The following ELOVL4 variants were observed in gnomAD, a reference collection of about 807,000 sequenced individuals.
ELOVL4 encodes very long chain fatty acid elongase 4.
Under a neutral mutation model 42.1 loss-of-function variants are expected in ELOVL4, and 18 were observed. That is an observed-to-expected ratio of 0.43 (90% CI 0.30 to 0.63). ELOVL4 has a LOEUF of 0.63. ELOVL4 is among the 30% of genes least tolerant of loss of function. ELOVL4 has a pLI of 0.15. For missense variants in ELOVL4, 299 were observed against 376.2 expected (o/e 0.79, Z 1.70); for synonymous variants, 117 against 127.0 (o/e 0.92, Z 0.53).
chr6:79,940,483 C>T (rs1181957967), intron 1 of ELOVL4, among the ~76,000 whole-genome samples: 1 of 152,130 alleles, frequency 6.6e-6, no homozygotes, highest in African/African-American at 2.4e-5. Context: ...AAATCTTAAG[C>T]CATACTTCCA....
chr6:79,928,694 C>G (rs1365740658), intron 1 of ELOVL4, among the ~76,000 whole-genome samples: 1 of 138,420 alleles, frequency 7.2e-6, no homozygotes, highest in Non-Finnish European at 1.5e-5. Flanking sequence ...AGAAAGCACA[C>G]AAGACCCTAC....
intron 1 of ELOVL4, among the ~76,000 whole-genome samples, chr6:79,942,820 A>C (rs1202620319): frequency 1.3e-5 from 2 of 152,228 alleles, no homozygotes; most frequent in Admixed American, 1.3e-4. Flanking sequence ...ATTAAAGTCT[A>C]GCAGTCTACC....
intron 3 of ELOVL4, among the ~76,000 whole-genome samples, chr6:79,924,140 A>G (rs1032666702): frequency 7.2e-5 from 11 of 152,220 alleles, no homozygotes; most frequent in African/African-American, 2.7e-4. Flanking sequence ...AAGTGAATGG[A>G]AAATAAAATA....
At position 79,926,388 on chromosome 6, in the gene ELOVL4, A is replaced by G; in HGVS notation, c.101-7T>C. 1.9e-6 allele frequency: 3 copies of G among 1,612,638 alleles called. No individual in the cohort carries two copies. Among genetic ancestry groups the G allele is most frequent in the Non-Finnish European group, 2.5e-6 (3 of 1,178,936 alleles). ...CAATTTTCCACACGCTTATCTATAG[A>G]GAGAACAAAATACCATAAAATTCAT... On this transcript the variant is annotated splice_region_variant and splice_polypyrimidine_tract_variant and intron_variant, in intron 1 of 5. Transcript: ENST00000369816.
At chr6:79,921,939 G>A (rs1191137150) in intron 3 of ELOVL4, 143 bp from the exon 4 acceptor site, 2 of 786,182 alleles carry the variant, frequency 2.5e-6, no homozygotes, top group Admixed American at 2.3e-5. Context: ...AAGTAGGTTT[G>A]AAAAACCTAA....
intron 1 of ELOVL4, among the ~76,000 whole-genome samples, chr6:79,935,126 T>C (rs1774521952): frequency 6.6e-6 from 1 of 152,164 alleles, no homozygotes; most frequent in African/African-American, 2.4e-5. Context: ...ATGCCTGTAA[T>C]CTAATAGTTT....
In ELOVL4 at chr6:79,944,987, C is replaced by CAA. The variant is rs200726708; in HGVS notation, c.100+2191_100+2192dup. 5.0e-3 allele frequency among the ~76,000 whole-genome samples: 466 copies of CAA among 92,892 alleles called. 5 individuals are homozygous for CAA. The highest frequency in any genetic ancestry group is 0.014 in the African/African-American group (408 of 28,890). 60.9% of individuals were successfully genotyped at this position (92,892 alleles called of 152,430 possible). ...GGAATCAGAGCAGAGTGAATGAGTCCAAAAAAAAAAAAAAAAAAAAAAAAG... is the reference window on the plus strand; with the variant it reads ...GGAATCAGAGCAGAGTGAATGAGTCCAAAAAAAAAAAAAAAAAAAAAAAAAAG... On this transcript the variant is annotated intron_variant, in intron 1 of 5. Transcript: ENST00000369816.
intron 1 of ELOVL4, among the ~76,000 whole-genome samples, chr6:79,938,305 T>C (rs866720711): frequency 2.0e-5 from 3 of 152,316 alleles, no homozygotes; most frequent in Non-Finnish European, 4.4e-5. Flanking sequence ...AACTCAAAGC[T>C]TTAAGAAAAT....
intron 1 of ELOVL4, among the ~76,000 whole-genome samples, chr6:79,928,920 A>G (rs1022150133): frequency 4.0e-5 from 6 of 151,862 alleles, no homozygotes; most frequent in Non-Finnish European, 7.4e-5. Flanking sequence ...TTTTTTATAT[A>G]TAGTGTGGTG....
chr6:79,935,599 T>C (rs1774528516), intron 1 of ELOVL4, among the ~76,000 whole-genome samples: 1 of 152,176 alleles, frequency 6.6e-6, no homozygotes, highest in African/African-American at 2.4e-5. Flanking sequence ...GCCACTATTT[T>C]CGCATGTGTA....
chr6:79,946,185 A>G (rs1435736761), intron 1 of ELOVL4, among the ~76,000 whole-genome samples: 2 of 152,262 alleles, frequency 1.3e-5, no homozygotes, highest in East Asian at 3.8e-4. Flanking sequence ...CAAAAGGACC[A>G]GAAAAATTGA....
chr6:79,918,076 T>C (rs1312995564), intron 5 of ELOVL4, among the ~76,000 whole-genome samples: 2 of 152,136 alleles, frequency 1.3e-5, no homozygotes, highest in African/African-American at 2.4e-5. Context: ...AAACTCAACA[T>C]CCTGTTTGAA....
In ELOVL4 at chr6:79,947,542, G is replaced by A. The variant is rs1207265922; in HGVS notation, c.-263C>T. The A allele has an allele frequency of 2.3e-5, 11 of 480,304 alleles. No homozygotes were observed. Among genetic ancestry groups the A allele is most frequent in the Non-Finnish European group, 3.4e-5 (9 of 263,414 alleles). 29.8% of individuals were successfully genotyped at this position (480,304 alleles called of 1,614,324 possible). A position where few individuals can be genotyped will look rare whatever the true frequency, so the allele number is the denominator to read the frequency against. ...GGCCCAGCCGCCAGCACAGTGCGCT[G>A]CACCAGTCTGCAGCCTCGCGCAGCC... On this transcript the variant is annotated 5_prime_UTR_variant, in exon 1 of 6. Transcript: ENST00000369816.
intron 3 of ELOVL4, among the ~76,000 whole-genome samples, chr6:79,924,451 G>C (rs1774310738): frequency 6.6e-6 from 1 of 151,994 alleles, no homozygotes. Context: ...AAACATTTTT[G>C]AGATACAAAA....
chr6:79,929,968 A>T (rs1367241499), intron 1 of ELOVL4, among the ~76,000 whole-genome samples: 1 of 152,200 alleles, frequency 6.6e-6, no homozygotes, highest in African/African-American at 2.4e-5. Context: ...CTATTCCTCT[A>T]TTCTCTATCC....
At chr6:79,920,152 C>T (rs1774228066) in intron 4 of ELOVL4, among the ~76,000 whole-genome samples, 1 of 152,108 alleles carries the variant, frequency 6.6e-6, no homozygotes, top group Non-Finnish European at 1.5e-5. Context: ...TTTAAAATTA[C>T]AGAAGTTGCC....
chr6:79,929,120 G>A (rs1181946798), intron 1 of ELOVL4, among the ~76,000 whole-genome samples: 1 of 133,000 alleles, frequency 7.5e-6, no homozygotes, highest in Non-Finnish European at 1.6e-5. Context: ...AGGTGAACCA[G>A]ATTAGTGCTT....
chr6:79,921,930 AGTAGGTTTG>A, intron 3 of ELOVL4, 134 bp from the exon 4 acceptor site: 1 of 858,372 alleles, frequency 1.2e-6, no homozygotes, highest in Admixed American at 2.3e-5. Flanking sequence ...TTAATGGCTA[AGTAGGTTTG>A]AAAAACCTAA....
chr6:79,926,093 A>G, intron 2 of ELOVL4, 101 bp downstream of exon 2: 1 of 1,051,832 alleles, frequency 9.5e-7, no homozygotes, highest in Non-Finnish European at 1.4e-6. Flanking sequence ...AGTAGCTAAC[A>G]GTTATGTCTG....
Sources: gnomAD v4.1 joint callset for allele counts (sites outside exome capture counted in the v4.1 genomes callset) on GRCh38, gnomAD v4.1.1 for gene constraint, MANE v1.5 for transcripts, NCBI Gene and HGNC (gene_info 2026-07-23, HGNC 2026-07-21) for gene names.